Variants in TMEM30A observed in about 807,000 individuals in gnomAD.
The protein encoded by TMEM30A is cell division cycle 50 P4-ATPase accessory subunit A.
TMEM30A carries 24 observed loss-of-function variants against 38.2 expected under a neutral mutation model. The ratio of observed to expected loss-of-function variants is 0.63; its 90% CI spans 0.46 to 0.88. TMEM30A has a LOEUF of 0.88. TMEM30A is among the 40% of genes least tolerant of loss of function. The pLI, the probability that TMEM30A is intolerant of heterozygous loss-of-function variation, is 0.00. For synonymous variants in TMEM30A, 145 were observed against 161.6 expected, an observed-to-expected ratio of 0.90 and a Z score of 0.78; for missense variants, 370 against 458.6, an observed-to-expected ratio of 0.81 and a Z score of 1.77.
intron 1 of TMEM30A, among the ~76,000 whole-genome samples, chr6:75,281,053 C>T (rs932928265): frequency 6.6e-6 from 1 of 151,948 alleles, no homozygotes; most frequent in Non-Finnish European, 1.5e-5. Context: ...GTTTATCAAA[C>T]GTGGGGAATG....
chr6:75,272,900 T>A (rs1772197224), intron 1 of TMEM30A: 1 of 152,092 alleles, frequency 6.6e-6, no homozygotes, highest in Non-Finnish European at 1.5e-5. Context: ...GTAGCCAGTG[T>A]AAAGGTACAA....
chr6:75,254,843 T>G lies in TMEM30A; in HGVS notation c.*1259A>C, dbSNP rs1007931192. ...ACTAGAACTTTAAGAATAAGTTCCA[T>G]AGCAAACAAGTTACAGCATTTATTC... On this transcript the variant is annotated 3_prime_UTR_variant, in exon 7 of 7. Transcript: ENST00000230461. The G allele has an allele frequency of 6.6e-6, 1 of 152,510 alleles. No individual in the cohort carries two copies. The highest frequency in any genetic ancestry group is 1.5e-5 in the Non-Finnish European group (1 of 67,972). The allele number at this position is 152,510 out of a possible 1,614,324, so 9.4% of individuals were successfully genotyped here.
intron 1 of TMEM30A, among the ~76,000 whole-genome samples, chr6:75,277,004 G>C (rs971083641): frequency 6.6e-6 from 1 of 152,044 alleles, no homozygotes; most frequent in African/African-American, 2.4e-5. Flanking sequence ...TTATTCAAAT[G>C]CCATTTTACT....
chr6:75,268,010 C>T (rs942119938), intron 1 of TMEM30A, among the ~76,000 whole-genome samples: 13 of 152,244 alleles, frequency 8.5e-5, no homozygotes, highest in African/African-American at 2.6e-4. Context: ...TAAAATCATA[C>T]ATACAAAATT....
rs755549735 is a variant in TMEM30A at position 75,259,441 on chromosome 6, G to T, written c.591C>A (p.Ile197=). 6.2e-7 allele frequency: 1 copy of T among 1,612,992 alleles called. No individual in the cohort carries two copies. The highest frequency in any genetic ancestry group is 8.5e-7 in the Non-Finnish European group (1 of 1,179,386). The change falls in exon 5 of 7, where the codon ATC becomes ATA. Residue 197 remains isoleucine (I), a synonymous_variant. Transcript: ENST00000230461. ...LIGNDSYPIP[I]ALKKKGIAWW... is the part of the protein sequence containing the mutation. Reference sequence around the variant, plus strand: ...AAGCAATACCTTTCTTTTTCAAAGCGATAGGTATAGGATAAGAATCATTGC... The same window carrying T: ...AAGCAATACCTTTCTTTTTCAAAGCTATAGGTATAGGATAAGAATCATTGC...
intron 3 of TMEM30A, among the ~76,000 whole-genome samples, chr6:75,264,854 C>G (rs1213980381): frequency 1.3e-5 from 2 of 152,070 alleles, no homozygotes; most frequent in African/African-American, 4.8e-5. Flanking sequence ...GTAATCCCAG[C>G]ACTGTGGGAG....
intron 4 of TMEM30A, among the ~76,000 whole-genome samples, 154 bp from the exon 5 acceptor site, chr6:75,259,644 G>T (rs1250293455): frequency 6.6e-6 from 1 of 152,168 alleles, no homozygotes; most frequent in South Asian, 2.1e-4. Context: ...TTCCTATGTG[G>T]ATTAACTATG....
At chr6:75,283,162 AG>A in intron 1 of TMEM30A, among the ~76,000 whole-genome samples, 1 of 151,860 alleles carries the variant, frequency 6.6e-6, no homozygotes, top group Middle Eastern at 3.4e-3. Flanking sequence ...TCAACACTGA[AG>A]TAAGCACTGT....
intron 2 of TMEM30A, 46 bp from the exon 3 acceptor site, chr6:75,265,384 G>C: frequency 8.6e-7 from 1 of 1,159,002 alleles, no homozygotes; most frequent in Non-Finnish European, 1.2e-6. Flanking sequence ...AAACTATTCT[G>C]TATAAACTTA....
intron 3 of TMEM30A, among the ~76,000 whole-genome samples, chr6:75,262,763 C>T (rs943674681): frequency 6.6e-6 from 1 of 152,200 alleles, no homozygotes; most frequent in Non-Finnish European, 1.5e-5. Context: ...AATACAATCC[C>T]TATTTTTAAG....
intron 1 of TMEM30A, among the ~76,000 whole-genome samples, chr6:75,282,354 A>C (rs1048917688): frequency 1.1e-4 from 16 of 152,196 alleles, no homozygotes; most frequent in Non-Finnish European, 2.2e-4. Context: ...TATTTCGTCT[A>C]CTACTTAGCG....
chr6:75,275,475 T>A (rs189960969), intron 1 of TMEM30A, among the ~76,000 whole-genome samples: 2 of 152,228 alleles, frequency 1.3e-5, no homozygotes, highest in East Asian at 3.9e-4. Flanking sequence ...CCCCACCACA[T>A]CCTCTTACTA....
chr6:75,284,447 G>T lies in TMEM30A; in HGVS notation c.192C>A (p.Ile64=). 2 of 1,614,102 alleles carry T rather than the reference G, an allele frequency of 1.2e-6. No individual in the cohort carries two copies. Among genetic ancestry groups the T allele is most frequent in the Non-Finnish European group, 1.7e-6 (2 of 1,180,022 alleles). Reference sequence around the variant, plus strand: ...TGGAGGTGACAAAAATGCCAATGCCGATGGGAATGAAGATGAGACCGATGA... The same window carrying T: ...TGGAGGTGACAAAAATGCCAATGCCTATGGGAATGAAGATGAGACCGATGA... ...FFIIGLIFIP[I]GIGIFVTSNN... is the part of the protein sequence containing the mutation. The change falls in exon 1 of 7, where the codon ATC becomes ATA. Residue 64 remains isoleucine, a synonymous_variant. Coordinates refer to ENST00000230461, the MANE Select transcript of TMEM30A (RefSeq NM_018247.4).
intron 3 of TMEM30A, among the ~76,000 whole-genome samples, chr6:75,264,030 G>A (rs1278770645): frequency 6.6e-6 from 1 of 152,144 alleles, no homozygotes; most frequent in East Asian, 1.9e-4. Context: ...ATCTTCTCTG[G>A]ATTTGAGTGC....
chr6:75,258,650 C>G, intron 6 of TMEM30A, 130 bp downstream of exon 6: 1 of 720,538 alleles, frequency 1.4e-6, no homozygotes, highest in Non-Finnish European at 2.3e-6. Flanking sequence ...TCACATATAC[C>G]ACACATACTT....
intron 1 of TMEM30A, among the ~76,000 whole-genome samples, chr6:75,278,607 A>G (rs1231296660): frequency 6.6e-6 from 1 of 152,222 alleles, no homozygotes; most frequent in Non-Finnish European, 1.5e-5. Flanking sequence ...AGATCAAGTG[A>G]AGACTCAGTA....
In TMEM30A at chr6:75,270,930, A is replaced by G. The variant is rs142967963; in HGVS notation, c.238-3182T>C. ...ACAAACTGAAAACACAGGTCTCCCA[A>G]ACGAAGAGAGGCAAAGCCTATGTAA... On this transcript the variant is annotated intron_variant, in intron 1 of 6. Transcript: ENST00000230461. Among the ~76,000 whole-genome samples the G allele has an allele frequency of 2.1e-3, 320 of 152,330 alleles. 8 individuals are homozygous for G. The highest frequency in any genetic ancestry group is 0.019 in the Admixed American group (298 of 15,310).
chr6:75,280,306 C>T (rs555642727), intron 1 of TMEM30A, among the ~76,000 whole-genome samples: 2 of 152,198 alleles, frequency 1.3e-5, no homozygotes, highest in Non-Finnish European at 2.9e-5. Flanking sequence ...AACTCTAAGT[C>T]ATGGGCAGGC....
intron 1 of TMEM30A, among the ~76,000 whole-genome samples, chr6:75,268,359 A>T (rs1772102085): frequency 1.3e-5 from 2 of 152,244 alleles, no homozygotes; most frequent in Non-Finnish European, 2.9e-5. Context: ...GCTAGTCACC[A>T]GAAAGACTAA....
Sources: allele counts gnomAD v4.1 joint callset (sites outside exome capture counted in the v4.1 genomes callset), GRCh38; gene constraint gnomAD v4.1.1; transcripts MANE v1.5; gene names NCBI Gene and HGNC (gene_info 2026-07-23, HGNC 2026-07-21).